TMEM117: variants seen among roughly 807,000 people sequenced by gnomAD.
TMEM117 encodes transmembrane protein 117.
A neutral mutation model predicts 52.4 loss-of-function variants in TMEM117; 27 were observed. The ratio of observed to expected loss-of-function variants is 0.51; its 90% CI spans 0.38 to 0.71. The LOEUF (loss-of-function observed/expected upper bound fraction) is 0.71. Among genes scored for constraint, TMEM117 ranks in the 30% least tolerant of loss-of-function variants. The probability of loss-of-function intolerance (pLI) is 0.00; values close to 1 mark genes in which losing one functional copy is unlikely to be tolerated. For missense variants in TMEM117, 556 were observed against 630.5 expected (o/e 0.88, Z 1.26); for synonymous variants, 215 against 206.3 (o/e 1.04, Z -0.36).
At position 44,044,413 on chromosome 12, in the gene TMEM117, A is replaced by G. The variant is rs933464026; in HGVS notation, c.411-99112A>G. ...TTTGACCATGGATCATCAAGTCACC[A>G]TGCAACCTGAATGAACTGGGTGCTT... On this transcript the variant is annotated intron_variant, in intron 3 of 7. Coordinates refer to ENST00000266534, the MANE Select transcript of TMEM117 (RefSeq NM_032256.3). Among the ~76,000 whole-genome samples the G allele has an allele frequency of 9.8e-5, 15 of 152,334 alleles. 1 individual carries two copies. Among genetic ancestry groups the G allele is most frequent in the African/African-American group, 3.4e-4 (14 of 41,580 alleles).
chr12:43,819,857 A>G, the TMEM117 span, among the ~76,000 whole-genome samples: 1 of 152,142 alleles, frequency 6.6e-6, no homozygotes, highest in Non-Finnish European at 1.5e-5. Context: ...GCATCATTAC[A>G]GTATGAAACT....
At chr12:44,050,383 G>A (rs144900205) in intron 3 of TMEM117, among the ~76,000 whole-genome samples, 1,616 of 152,182 alleles carry the variant, frequency 0.011, 25 homozygotes, top group African/African-American at 0.036. Context: ...CACCATGCTG[G>A]CCAGGCTGGT....
chr12:44,240,192 C>T (rs902282525), intron 5 of TMEM117, among the ~76,000 whole-genome samples: 14 of 152,074 alleles, frequency 9.2e-5, no homozygotes, highest in Admixed American at 3.9e-4. Context: ...TTCCCAACCT[C>T]CTTATATTTT....
the TMEM117 span, among the ~76,000 whole-genome samples, chr12:43,826,532 A>G: frequency 1.1e-3 from 160 of 152,298 alleles, no homozygotes; most frequent in Non-Finnish European, 1.9e-3. Flanking sequence ...TTCTGCTCAT[A>G]ATTCCAGGGA....
intron 3 of TMEM117, among the ~76,000 whole-genome samples, chr12:43,994,079 C>A (rs931601355): frequency 5.9e-5 from 9 of 152,142 alleles, no homozygotes; most frequent in African/African-American, 1.9e-4. Context: ...TGTTCTTAAT[C>A]CTGCTAAGTC....
At chr12:43,897,579 T>C (rs536362477) in intron 2 of TMEM117, among the ~76,000 whole-genome samples, 5 of 151,936 alleles carry the variant, frequency 3.3e-5, no homozygotes, top group African/African-American at 1.2e-4. Context: ...TCCCAAAGTG[T>C]TGGAATTATA....
In TMEM117 at chr12:44,211,515, A is replaced by G. The variant is rs555971349; in HGVS notation, c.608+128A>G. 6 of 591,034 alleles carry G rather than the reference A, an allele frequency of 1.0e-5. No homozygotes were observed. In the East Asian group the frequency reaches 1.8e-4, roughly 17 times the overall value. 36.6% of individuals were successfully genotyped at this position (591,034 alleles called of 1,614,324 possible). ...ACATTTTTGGTAGCTACTATGCTCC[A>G]TTAAAACCATTATCCTAATTATTTT... On this transcript the variant is annotated intron_variant, in intron 5 of 7. Coordinates refer to ENST00000266534, the MANE Select transcript of TMEM117 (RefSeq NM_032256.3).
At chr12:44,376,546 T>C in intron 6 of TMEM117, 49 bp from the exon 7 acceptor site, 3 of 1,580,356 alleles carry the variant, frequency 1.9e-6, no homozygotes, top group Non-Finnish European at 1.7e-6. Context: ...GTTTTGCTGC[T>C]TAGGAATGAA....
chr12:43,824,929 G>A, the TMEM117 span, among the ~76,000 whole-genome samples: 2 of 152,090 alleles, frequency 1.3e-5, no homozygotes, highest in Non-Finnish European at 2.9e-5. Flanking sequence ...GCGAGACTCC[G>A]TCTCAAAACA....
At chr12:44,134,431 C>G (rs1948460126) in intron 3 of TMEM117, among the ~76,000 whole-genome samples, 1 of 152,140 alleles carries the variant, frequency 6.6e-6, no homozygotes, top group Non-Finnish European at 1.5e-5. Flanking sequence ...CCAGGCTTAA[C>G]AGATTGGTCT....
intron 3 of TMEM117, among the ~76,000 whole-genome samples, chr12:44,124,012 T>C (rs1948281295): frequency 6.6e-6 from 1 of 151,790 alleles, no homozygotes; most frequent in Non-Finnish European, 1.5e-5. Flanking sequence ...ATTTTAACAA[T>C]ATAGATTCTT....
intron 4 of TMEM117, among the ~76,000 whole-genome samples, chr12:44,153,642 ATTGT>A (rs961286580): frequency 7.2e-5 from 11 of 152,042 alleles, no homozygotes; most frequent in Non-Finnish European, 1.5e-4. Context: ...TTATCTTATT[ATTGT>A]TTAAGATAGA....
chr12:43,844,919 CGTTT>C lies in TMEM117; in HGVS notation c.274_277del (p.Phe92ValfsTer6), dbSNP rs1177854169. ...AGCTGGCAAATTTCTGTTCCATCAG[CGTTT>C]GTTTGGTAAGTACCATGACCCATGA... On this transcript the variant is annotated frameshift_variant, in exon 2 of 8. Transcript: ENST00000266534. LOFTEE classifies it high-confidence loss of function. 3.1e-6 allele frequency: 5 copies of C among 1,612,702 alleles called. No individual in the cohort carries two copies. Among genetic ancestry groups the C allele is most frequent in the Non-Finnish European group, 4.2e-6 (5 of 1,179,698 alleles).
At chr12:43,801,810 A>G in the TMEM117 span, among the ~76,000 whole-genome samples, 2 of 152,114 alleles carry the variant, frequency 1.3e-5, no homozygotes, top group Admixed American at 1.3e-4. Flanking sequence ...TGGGTGGATC[A>G]CTTAAGGCCA....
chr12:44,180,040 G>C (rs766618192), intron 4 of TMEM117, among the ~76,000 whole-genome samples: 2 of 152,034 alleles, frequency 1.3e-5, no homozygotes, highest in African/African-American at 4.8e-5. Flanking sequence ...ACACCACCTA[G>C]AAGTGAAATA....
intron 7 of TMEM117, among the ~76,000 whole-genome samples, chr12:44,380,577 A>G (rs186128704): frequency 6.6e-6 from 1 of 152,282 alleles, no homozygotes; most frequent in Admixed American, 6.5e-5. Context: ...TCTGGTCCTC[A>G]TCGAGTTCCT....
chr12:43,843,649 A>G (rs1001635308), intron 1 of TMEM117, among the ~76,000 whole-genome samples: 15 of 152,146 alleles, frequency 9.9e-5, no homozygotes, highest in Admixed American at 4.6e-4. Context: ...CTTGCCTTCT[A>G]TCTGTCCCTT....
intron 3 of TMEM117, among the ~76,000 whole-genome samples, chr12:44,092,064 G>C (rs1245896247): frequency 6.6e-6 from 1 of 152,172 alleles, no homozygotes; most frequent in Admixed American, 6.5e-5. Flanking sequence ...CAGCTCAGAT[G>C]CCTCATCTTG....
rs369382601 is a variant in TMEM117, at chr12:44,338,325, A to G, written c.769-38270A>G. Among the ~76,000 whole-genome samples, 4 of 152,224 alleles carry G rather than the reference A, an allele frequency of 2.6e-5. No individual in the cohort carries two copies. The East Asian group carries it at 5.8e-4, about 22-fold the overall frequency. On this transcript the variant is annotated intron_variant, in intron 6 of 7. Transcript: ENST00000266534. ...TTTCTAAAGGTTTGCAGGAGTTTTT[A>G]TCTTTAGACCTATCCTGTTTAACTT...
Sources: allele counts gnomAD v4.1 joint callset (sites outside exome capture counted in the v4.1 genomes callset), GRCh38; gene constraint gnomAD v4.1.1; transcripts MANE v1.5; gene names NCBI Gene and HGNC (gene_info 2026-07-23, HGNC 2026-07-21).